N4BP1: variants seen among roughly 807,000 people sequenced by gnomAD.
N4BP1 encodes NEDD4 binding protein 1, also known as NEDD4-binding protein 1.
A neutral mutation model predicts 70.9 loss-of-function variants in N4BP1; 21 were observed. The observed-to-expected ratio is 0.30, with a 90% CI of 0.21 to 0.43. The LOEUF (loss-of-function observed/expected upper bound fraction) is 0.43. Ranked by LOEUF, N4BP1 falls within the 20% of genes least tolerant of loss-of-function variation. N4BP1 has a pLI of 1.00. For synonymous variants in N4BP1, 387 were observed against 394.6 expected, an observed-to-expected ratio of 0.98 and a Z score of 0.23; for missense variants, 936 against 1,069.4, an observed-to-expected ratio of 0.88 and a Z score of 1.74.
intron 1 of N4BP1, among the ~76,000 whole-genome samples, chr16:48,601,109 T>A (rs1343735851): frequency 1.3e-5 from 2 of 152,278 alleles, no homozygotes; most frequent in African/African-American, 4.8e-5. Context: ...CCTGTTTTGG[T>A]TTATTTGCAT....
chr16:48,588,831 T>C (rs1403385248), intron 1 of N4BP1, among the ~76,000 whole-genome samples: 3 of 152,106 alleles, frequency 2.0e-5, no homozygotes, highest in Non-Finnish European at 2.9e-5. Context: ...GACCATTTTG[T>C]ATATACAACC....
chr16:48,600,858 G>A lies in N4BP1; in HGVS notation c.198+8917C>T, dbSNP rs184126571. On this transcript the variant is annotated intron_variant, in intron 1 of 6. Coordinates refer to ENST00000262384, the MANE Select transcript of N4BP1 (RefSeq NM_153029.4). ...CTTCACTGATAGATATGTAAATCAC[G>A]AAAATTCTACTTATAACTATAGAAG... 8.6e-4 allele frequency among the ~76,000 whole-genome samples: 131 copies of A among 152,290 alleles called. 6 individuals are homozygous for A. The East Asian group carries it at 0.017, about 19-fold the overall frequency.
rs76566729 is a variant in N4BP1 at position 48,609,829 on chromosome 16, G to A, written c.144C>T (p.Pro48=). 908 of 1,487,172 alleles carry A rather than the reference G, an allele frequency of 6.1e-4. 6 individuals are homozygous for A. In the African/African-American group the frequency reaches 0.012, roughly 20 times the overall value. 92.1% of individuals were successfully genotyped at this position (1,487,172 alleles called of 1,614,324 possible). ...LGALGAEEPL[P]ARIWLQLCGA... ...CGCAGAGCTGCAGCCAGATGCGCGCGGGCAGCGGCTCCTCAGCCCCTAGCG... is the reference window on the plus strand; with the variant it reads ...CGCAGAGCTGCAGCCAGATGCGCGCAGGCAGCGGCTCCTCAGCCCCTAGCG... The change falls in exon 1 of 7, where the codon CCC becomes CCT. Residue 48 remains proline (P), a synonymous_variant. Coordinates refer to ENST00000262384, the MANE Select transcript of N4BP1 (RefSeq NM_153029.4).
chr16:48,562,923 TA>T (rs1567432525), intron 1 of N4BP1, among the ~76,000 whole-genome samples: 1 of 152,072 alleles, frequency 6.6e-6, no homozygotes, highest in African/African-American at 2.4e-5. Context: ...AGAATAACAT[TA>T]ATTTTTTTTT....
intron 1 of N4BP1, among the ~76,000 whole-genome samples, chr16:48,579,498 T>G (rs1964146631): frequency 6.6e-6 from 1 of 152,174 alleles, no homozygotes; most frequent in African/African-American, 2.4e-5. Context: ...GTCTAGACTG[T>G]GAAGCTATGC....
intron 1 of N4BP1, among the ~76,000 whole-genome samples, chr16:48,579,507 G>A (rs914667230): frequency 1.3e-5 from 2 of 152,122 alleles, no homozygotes; most frequent in African/African-American, 4.8e-5. Context: ...GTGAAGCTAT[G>A]CATTCAAATG....
chr16:48,581,534 TG>T (rs1339166184), intron 1 of N4BP1, among the ~76,000 whole-genome samples: 6 of 152,184 alleles, frequency 3.9e-5, no homozygotes, highest in African/African-American at 1.4e-4. Context: ...CCAGAATTAT[TG>T]AATTCCATAA....
At chr16:48,544,305 G>C (rs1400855015) in intron 6 of N4BP1, among the ~76,000 whole-genome samples, 1 of 152,174 alleles carries the variant, frequency 6.6e-6, no homozygotes, top group Non-Finnish European at 1.5e-5. Context: ...AGACCACCAT[G>C]TAAAAAAAGA....
intron 1 of N4BP1, among the ~76,000 whole-genome samples, chr16:48,605,737 G>A (rs1293754568): frequency 6.6e-6 from 1 of 152,166 alleles, no homozygotes; most frequent in Non-Finnish European, 1.5e-5. Context: ...GCCCAGAGGT[G>A]TAAACACTGA....
intron 1 of N4BP1, among the ~76,000 whole-genome samples, chr16:48,563,295 C>T (rs1963887367): frequency 6.6e-6 from 1 of 151,880 alleles, no homozygotes; most frequent in Non-Finnish European, 1.5e-5. Context: ...ACTGAGGCTG[C>T]AGTAAGCTGA....
intron 1 of N4BP1, among the ~76,000 whole-genome samples, chr16:48,567,379 C>T (rs762237969): frequency 1.6e-4 from 24 of 152,156 alleles, no homozygotes; most frequent in South Asian, 8.3e-4. Context: ...CAGTGGCACG[C>T]AGATCTTGGC....
intron 1 of N4BP1, among the ~76,000 whole-genome samples, chr16:48,602,904 G>C (rs1964525144): frequency 6.6e-6 from 1 of 152,112 alleles, no homozygotes; most frequent in African/African-American, 2.4e-5. Context: ...GATCACTTGA[G>C]CCTGGGAGGG....
chr16:48,548,191 A>G (rs1963616087), intron 4 of N4BP1, 77 bp from the exon 5 acceptor site: 1 of 844,212 alleles, frequency 1.2e-6, no homozygotes, highest in Non-Finnish European at 2.0e-6. Context: ...AGAAGAGAAT[A>G]TTTCCTCTTC....
At chr16:48,553,514 A>T in intron 3 of N4BP1, 25 bp downstream of exon 3, 1 of 1,523,160 alleles carries the variant, frequency 6.6e-7, no homozygotes, top group South Asian at 1.3e-5. Flanking sequence ...TTCACTAGAA[A>T]TCTGAAAAAA....
chr16:48,578,917 GTATTA>G (rs1263607668), intron 1 of N4BP1, among the ~76,000 whole-genome samples: 4 of 152,142 alleles, frequency 2.6e-5, no homozygotes, highest in Non-Finnish European at 5.9e-5. Context: ...GATTGTAAAT[GTATTA>G]TATTAAGAGT....
intron 1 of N4BP1, among the ~76,000 whole-genome samples, chr16:48,564,246 G>A (rs2151090353): frequency 6.6e-6 from 1 of 152,246 alleles, no homozygotes; most frequent in East Asian, 1.9e-4. Context: ...TCGGTTTTTA[G>A]ATTTTATTCT....
chr16:48,553,393 G>A (rs1031228410), intron 3 of N4BP1, 146 bp downstream of exon 3: 1 of 651,562 alleles, frequency 1.5e-6, no homozygotes, highest in Admixed American at 4.3e-5. Context: ...TTCAATTGAT[G>A]TTTTGCTAGG....
chr16:48,605,193 T>C (rs1987061), intron 1 of N4BP1, among the ~76,000 whole-genome samples: 54,680 of 151,996 alleles, frequency 0.36, 10,094 homozygotes, highest in African/African-American at 0.42. Flanking sequence ...CCACCCCACC[T>C]GGCTAATTTT....
At chr16:48,609,047 C>T (rs1433623834) in intron 1 of N4BP1, among the ~76,000 whole-genome samples, 1 of 108,642 alleles carries the variant, frequency 9.2e-6, no homozygotes, top group African/African-American at 4.6e-5. Context: ...AAATCCCCTA[C>T]CAAAAAAAAA....
Sources: allele counts gnomAD v4.1 joint callset (sites outside exome capture counted in the v4.1 genomes callset), GRCh38; gene constraint gnomAD v4.1.1; transcripts MANE v1.5; gene names NCBI Gene and HGNC (gene_info 2026-07-23, HGNC 2026-07-21).